Variants in AK9 observed in about 807,000 individuals in gnomAD.
AK9 encodes adenylate kinase 9, also known as adenylate kinase domain containing 1.
Under a neutral mutation model 239.6 loss-of-function variants are expected in AK9, and 191 were observed. The observed-to-expected ratio is 0.80, with a 90% CI of 0.71 to 0.90. The LOEUF (loss-of-function observed/expected upper bound fraction) is 0.90, where lower values mean the gene tolerates loss of function less well. Ranked by LOEUF, AK9 falls within the 40% of genes least tolerant of loss-of-function variation. The pLI, the probability that AK9 is intolerant of heterozygous loss-of-function variation, is 0.00. For missense variants in AK9, 1,995 were observed against 2,214.7 expected (o/e 0.90, Z 1.99); for synonymous variants, 689 against 721.0 (o/e 0.96, Z 0.71).
chr6:109,553,686 C>G (rs779950386), intron 24 of AK9, among the ~76,000 whole-genome samples: 14 of 152,052 alleles, frequency 9.2e-5, no homozygotes, highest in Admixed American at 4.6e-4. Flanking sequence ...ATTTGAATAC[C>G]CTTTATTTCT....
At chr6:109,651,954 C>A (rs1361921533) in intron 8 of AK9, among the ~76,000 whole-genome samples, 1 of 152,140 alleles carries the variant, frequency 6.6e-6, no homozygotes, top group African/African-American at 2.4e-5. Context: ...GACGGATTCA[C>A]AGCCAAACTC....
intron 8 of AK9, among the ~76,000 whole-genome samples, chr6:109,645,178 G>T (rs1797890190): frequency 6.6e-6 from 1 of 152,222 alleles, no homozygotes; most frequent in Admixed American, 6.5e-5. Context: ...TTCCAACTGA[G>T]GTACTTGGTT....
intron 12 of AK9, 55 bp downstream of exon 12, chr6:109,632,868 T>C (rs113105086): frequency 6.7e-7 from 1 of 1,499,576 alleles, no homozygotes; most frequent in African/African-American, 1.5e-5. Flanking sequence ...TAGACATAGA[T>C]AGATAGATAG....
At chr6:109,503,808 T>C (rs1056511357) in intron 35 of AK9, among the ~76,000 whole-genome samples, 1 of 152,128 alleles carries the variant, frequency 6.6e-6, no homozygotes, top group Non-Finnish European at 1.5e-5. Context: ...TGTCACAGCT[T>C]ACGCAAGTTA....
intron 10 of AK9, among the ~76,000 whole-genome samples, chr6:109,636,911 G>C (rs1296402336): frequency 2.0e-5 from 3 of 152,100 alleles, no homozygotes; most frequent in Non-Finnish European, 2.9e-5. Flanking sequence ...TCCTTTGGGG[G>C]AAATGCCTAG....
At position 109,559,104 on chromosome 6, in the gene AK9, G is replaced by A. The variant is rs371203949; in HGVS notation, c.2751+4493C>T. Among the ~76,000 whole-genome samples the A allele has an allele frequency of 1.3e-4, 20 of 151,546 alleles. 1 individual carries two copies. The South Asian group carries it at 3.1e-3, about 24-fold the overall frequency. ...TGACCTCAAGTGATCCGCCTGACTC[G>A]GCCTCCCAAAGTGCTAGGATTACAG... is the stretch of plus-strand genomic sequence containing the variant. On this transcript the variant is annotated intron_variant, in intron 24 of 40. Transcript: ENST00000424296.
chr6:109,516,669 T>C (rs1367537328), intron 29 of AK9, 27 bp from the exon 30 acceptor site: 1 of 1,508,936 alleles, frequency 6.6e-7, no homozygotes. Flanking sequence ...TCCCTTTTAC[T>C]ATACATATAA....
chr6:109,529,225 G>T, intron 28 of AK9, 152 bp from the exon 29 acceptor site: 2 of 883,936 alleles, frequency 2.3e-6, no homozygotes, highest in Non-Finnish European at 3.2e-6. Flanking sequence ...TAATCATGTT[G>T]CTTGGCTTGC....
intron 27 of AK9, among the ~76,000 whole-genome samples, chr6:109,538,596 C>T: frequency 6.6e-6 from 1 of 151,852 alleles, no homozygotes; most frequent in Non-Finnish European, 1.5e-5. Flanking sequence ...GAGCATTTAG[C>T]CCATTTACAT....
intron 17 of AK9, among the ~76,000 whole-genome samples, chr6:109,587,083 T>C (rs9320305): frequency 0.59 from 89,685 of 151,920 alleles, 27,943 homozygotes; most frequent in East Asian, 0.84. Flanking sequence ...GCTGGGACTA[T>C]AGGCTTGCAC....
intron 25 of AK9, 95 bp from the exon 26 acceptor site, chr6:109,546,222 G>T: frequency 8.6e-7 from 1 of 1,164,766 alleles, no homozygotes; most frequent in South Asian, 1.5e-5. Context: ...CTTATTAACT[G>T]CCCTCCCTAA....
intron 12 of AK9, among the ~76,000 whole-genome samples, chr6:109,626,308 T>C (rs1304577889): frequency 6.6e-6 from 1 of 152,172 alleles, no homozygotes; most frequent in Non-Finnish European, 1.5e-5. Flanking sequence ...TCAGGGCCAG[T>C]TTCTATTGTC....
chr6:109,641,498 G>C lies in AK9; in HGVS notation c.933+20C>G, dbSNP rs768063657. The C allele has an allele frequency of 6.3e-7, 1 of 1,588,596 alleles. No individual in the cohort carries two copies. The highest frequency in any genetic ancestry group is 1.1e-5 in the South Asian group (1 of 90,342). Reference sequence around the variant, plus strand: ...ACATATATTGAAAATTAGACTTTCAGACAGTTCCATATAACTTACATTTTC... The same window carrying C: ...ACATATATTGAAAATTAGACTTTCACACAGTTCCATATAACTTACATTTTC... On this transcript the variant is annotated intron_variant, in intron 10 of 40. Coordinates refer to ENST00000424296, the MANE Select transcript of AK9 (RefSeq NM_001145128.3).
intron 33 of AK9, 56 bp downstream of exon 33, chr6:109,509,123 C>G: frequency 6.8e-7 from 1 of 1,475,506 alleles, no homozygotes; most frequent in Non-Finnish European, 9.2e-7. Flanking sequence ...CACGAGCGAG[C>G]AGTTTCTTGA....
At chr6:109,574,057 G>C (rs1040445752) in intron 20 of AK9, among the ~76,000 whole-genome samples, 4 of 152,124 alleles carry the variant, frequency 2.6e-5, no homozygotes, top group Admixed American at 2.6e-4. Context: ...TATAAAATAT[G>C]TGACTTTTAG....
chr6:109,617,150 C>T (rs959724714), intron 13 of AK9, among the ~76,000 whole-genome samples: 13 of 151,948 alleles, frequency 8.6e-5, no homozygotes, highest in African/African-American at 3.1e-4. Flanking sequence ...CAAAACTAGA[C>T]TAAAAAATGG....
chr6:109,642,106 C>T (rs920631787), intron 9 of AK9, among the ~76,000 whole-genome samples: 57 of 152,190 alleles, frequency 3.7e-4, no homozygotes, highest in African/African-American at 1.3e-3. Context: ...CCGGGAGCTA[C>T]CAGAAGCTGG....
chr6:109,609,562 T>C (rs1238427634), intron 17 of AK9, among the ~76,000 whole-genome samples: 3 of 152,156 alleles, frequency 2.0e-5, no homozygotes, highest in African/African-American at 7.2e-5. Flanking sequence ...CAGAAAACTT[T>C]GAAAAGTCTG....
intron 39 of AK9, 61 bp from the exon 40 acceptor site, chr6:109,494,156 C>G: frequency 8.6e-7 from 1 of 1,166,092 alleles, no homozygotes. Flanking sequence ...TTTCTTAGTG[C>G]CAATAGATAA....
Sources: gnomAD v4.1 joint callset for allele counts (sites outside exome capture counted in the v4.1 genomes callset) on GRCh38, gnomAD v4.1.1 for gene constraint, MANE v1.5 for transcripts, NCBI Gene and HGNC (gene_info 2026-07-23, HGNC 2026-07-21) for gene names.